The following BABAM2 variants were observed in gnomAD, a reference collection of about 807,000 sequenced individuals.
BABAM2 encodes BRISC and BRCA1-A complex member 2.
A neutral mutation model predicts 54.7 loss-of-function variants in BABAM2; 31 were observed. The ratio of observed to expected loss-of-function variants is 0.57; its 90% CI spans 0.43 to 0.77. The LOEUF is 0.77. Among genes scored for constraint, BABAM2 ranks in the 30% least tolerant of loss-of-function variants. The probability of loss-of-function intolerance (pLI) is 0.00; values close to 1 mark genes in which losing one functional copy is unlikely to be tolerated. For missense variants in BABAM2, 364 were observed against 455.8 expected, an observed-to-expected ratio of 0.80 and a Z score of 1.83; for synonymous variants, 167 against 162.9, an observed-to-expected ratio of 1.03 and a Z score of -0.19.
intron 6 of BABAM2, among the ~76,000 whole-genome samples, chr2:28,110,278 A>G (rs964731771): frequency 6.6e-6 from 1 of 152,104 alleles, no homozygotes; most frequent in African/African-American, 2.4e-5. Context: ...TCATCTGTTG[A>G]TGGACACTTG....
chr2:28,182,264 G>A (rs1675725799), intron 7 of BABAM2, among the ~76,000 whole-genome samples: 2 of 152,190 alleles, frequency 1.3e-5, no homozygotes, highest in Non-Finnish European at 2.9e-5. Flanking sequence ...TGTCAGAGCT[G>A]ATGATCTCCC....
chr2:28,199,300 G>A (rs1048402639), intron 7 of BABAM2, among the ~76,000 whole-genome samples: 3 of 152,224 alleles, frequency 2.0e-5, no homozygotes, highest in Non-Finnish European at 4.4e-5. Context: ...CAAGTTGCAT[G>A]TTTTATGTGC....
chr2:28,087,534 G>A (rs983021965), intron 6 of BABAM2, among the ~76,000 whole-genome samples: 3 of 152,066 alleles, frequency 2.0e-5, no homozygotes, highest in African/African-American at 4.8e-5. Flanking sequence ...GCCCTCTGTC[G>A]TACGAGGGGT....
chr2:28,103,510 T>C (rs1420367932), intron 6 of BABAM2, among the ~76,000 whole-genome samples: 1 of 152,148 alleles, frequency 6.6e-6, no homozygotes, highest in Non-Finnish European at 1.5e-5. Flanking sequence ...GGTTTTGCCA[T>C]GTTGCCCAGG....
Position 28,224,027 on chromosome 2 carries a change from A to G in BABAM2, c.681-13175A>G, listed in dbSNP as rs550323158. The stretch of plus-strand genomic sequence containing the variant: ...ACTTCTACTCACTGCTTGTATATGC[A>G]ACAGATGATGTTGAAGAAGAGGCTA... On this transcript the variant is annotated intron_variant, in intron 7 of 11. Coordinates refer to ENST00000379624, the MANE Select transcript of BABAM2 (RefSeq NM_199191.3). Among the ~76,000 whole-genome samples the G allele has an allele frequency of 3.4e-3, 517 of 152,312 alleles. 2 individuals are homozygous for G. The highest frequency in any genetic ancestry group is 0.012 in the African/African-American group (494 of 41,574).
intron 6 of BABAM2, among the ~76,000 whole-genome samples, chr2:28,047,035 A>G (rs1014318558): frequency 6.6e-6 from 1 of 152,220 alleles, no homozygotes; most frequent in Non-Finnish European, 1.5e-5. Flanking sequence ...TGGTCTATAC[A>G]GTCCATCTAA....
At chr2:28,308,863 T>A (rs1558519063) in intron 11 of BABAM2, 1 of 156,348 alleles carries the variant, frequency 6.4e-6, no homozygotes, top group Non-Finnish European at 1.4e-5. Context: ...TTTCCCTGGG[T>A]CTTTGTTTCC....
intron 6 of BABAM2, among the ~76,000 whole-genome samples, chr2:28,089,039 GT>G (rs533067427): frequency 2.0e-4 from 30 of 149,162 alleles, no homozygotes; most frequent in African/African-American, 5.2e-4. Context: ...TGCATTTAGG[GT>G]TTTTTTTTTC....
At chr2:28,090,406 G>A (rs868035495) in intron 6 of BABAM2, among the ~76,000 whole-genome samples, 6 of 151,932 alleles carry the variant, frequency 3.9e-5, no homozygotes, top group South Asian at 2.1e-4. Context: ...CACCACACCC[G>A]GCTAAGTTTT....
chr2:28,050,256 A>G (rs1677900652), intron 6 of BABAM2, among the ~76,000 whole-genome samples: 1 of 152,246 alleles, frequency 6.6e-6, no homozygotes, highest in Non-Finnish European at 1.5e-5. Context: ...AATATTGTTT[A>G]CAAACACTGT....
intron 7 of BABAM2, among the ~76,000 whole-genome samples, chr2:28,217,486 A>G (rs1033824927): frequency 6.6e-6 from 1 of 152,210 alleles, no homozygotes; most frequent in Non-Finnish European, 1.5e-5. Flanking sequence ...AGCCCTGCGA[A>G]CCTAATTATT....
intron 2 of BABAM2, among the ~76,000 whole-genome samples, chr2:27,909,082 A>T (rs1343641991): frequency 6.6e-6 from 1 of 151,964 alleles, no homozygotes; most frequent in Non-Finnish European, 1.5e-5. Flanking sequence ...TCACTCTGTC[A>T]CCCAGGCTGG....
At chr2:28,034,090 C>G (rs1362603993) in intron 5 of BABAM2, among the ~76,000 whole-genome samples, 1 of 152,158 alleles carries the variant, frequency 6.6e-6, no homozygotes, top group Non-Finnish European at 1.5e-5. Flanking sequence ...TATGGTATCT[C>G]CTCACTTGAG....
intron 7 of BABAM2, among the ~76,000 whole-genome samples, chr2:28,144,284 C>T (rs116007094): frequency 2.3e-3 from 351 of 152,254 alleles, no homozygotes; most frequent in African/African-American, 8.2e-3. Context: ...TGTTCAGGGA[C>T]CCCAATTTTT....
intron 3 of BABAM2, among the ~76,000 whole-genome samples, chr2:27,958,132 A>G (rs1206472513): frequency 6.6e-6 from 1 of 152,194 alleles, no homozygotes; most frequent in Non-Finnish European, 1.5e-5. Context: ...AGAATCACCC[A>G]ACTACATTCT....
At chr2:28,103,222 C>T (rs1426075347) in intron 6 of BABAM2, among the ~76,000 whole-genome samples, 1 of 151,994 alleles carries the variant, frequency 6.6e-6, no homozygotes, top group African/African-American at 2.4e-5. Context: ...ATGGATGAAG[C>T]AGAATTATGA....
chr2:28,004,638 A>G (rs1464438513), intron 4 of BABAM2, among the ~76,000 whole-genome samples: 1 of 152,028 alleles, frequency 6.6e-6, no homozygotes, highest in Non-Finnish European at 1.5e-5. Flanking sequence ...ATTAATTTGC[A>G]CAAACACTAA....
chr2:28,028,479 C>T lies in BABAM2; in HGVS notation c.495+3059C>T, dbSNP rs116822196. 6.1e-3 allele frequency among the ~76,000 whole-genome samples: 919 copies of T among 151,784 alleles called. 11 individuals are homozygous for T. The highest frequency in any genetic ancestry group is 0.021 in the African/African-American group (873 of 41,312). On this transcript the variant is annotated intron_variant, in intron 5 of 11. Coordinates refer to ENST00000379624, the MANE Select transcript of BABAM2 (RefSeq NM_199191.3). The stretch of plus-strand genomic sequence containing the variant: ...ACCGCTGGGAGCCACTTAGAGGGAG[C>T]CTACCATACTTATTGATTATGTTTA...
chr2:28,068,589 G>A (rs1221488476), intron 6 of BABAM2, among the ~76,000 whole-genome samples: 1 of 152,128 alleles, frequency 6.6e-6, no homozygotes, highest in African/African-American at 2.4e-5. Context: ...TTTAAATATT[G>A]TATGAGTGTA....
Sources: allele counts gnomAD v4.1 joint callset (sites outside exome capture counted in the v4.1 genomes callset), GRCh38; gene constraint gnomAD v4.1.1; transcripts MANE v1.5; gene names NCBI Gene and HGNC (gene_info 2026-07-23, HGNC 2026-07-21).